MYO1H: variants seen among roughly 807,000 people sequenced by gnomAD.
MYO1H encodes the protein unconventional myosin-Ih.
Under a neutral mutation model 149.3 loss-of-function variants are expected in MYO1H, and 118 were observed. The observed-to-expected ratio is 0.79, with a 90% CI of 0.68 to 0.92. The LOEUF (loss-of-function observed/expected upper bound fraction) is 0.92. Ranked by LOEUF, MYO1H falls within the 40% of genes least tolerant of loss-of-function variation. MYO1H has a pLI of 0.00. For missense variants in MYO1H, 1,212 were observed against 1,280.7 expected (o/e 0.95, Z 0.82); for synonymous variants, 447 against 465.2 (o/e 0.96, Z 0.50).
intron 13 of MYO1H, among the ~76,000 whole-genome samples, chr12:109,411,436 A>G (rs555231941): frequency 1.3e-5 from 2 of 152,382 alleles, no homozygotes; most frequent in African/African-American, 2.4e-5. Flanking sequence ...ACTAAATGGT[A>G]TCATTCTTGA....
At chr12:109,318,974 T>TTTTTTTTTTTTTTTTTTTTTTG in the MYO1H span, among the ~76,000 whole-genome samples, 1 of 83,406 alleles carries the variant, frequency 1.2e-5, no homozygotes, top group Non-Finnish European at 2.2e-5. Context: ...TTGGTTTTGT[T>TTTTTTTTTTTTTTTTTTTTTTG]TTTTTTTTTT....
rs1872140149 is a variant in MYO1H at position 109,441,763 on chromosome 12, A to AGGGT, written c.2632+59_2632+62dup. The AGGGT allele has an allele frequency of 4.5e-6, 6 of 1,327,294 alleles. No homozygotes were observed. The East Asian group carries it at 1.4e-4, about 31-fold the overall frequency. The allele number at this position is 1,327,294 out of a possible 1,614,324, so 82.2% of individuals were successfully genotyped here. On this transcript the variant is annotated intron_variant, in intron 26 of 31. Coordinates refer to ENST00000310903, the Ensembl canonical transcript of MYO1H. ...GCTTTCCAATTCTAAAAGGAGTTAA[A>AGGGT]GGGTGGGGTGCGGTGGCTCATGCCC...
At chr12:109,415,205 G>A (rs1197874233) in intron 14 of MYO1H, among the ~76,000 whole-genome samples, 3 of 152,064 alleles carry the variant, frequency 2.0e-5, no homozygotes, top group Admixed American at 1.3e-4. Flanking sequence ...GGCCAGGCAC[G>A]GTGGCTTAGG....
chr12:109,319,689 T>C, the MYO1H span, among the ~76,000 whole-genome samples: 1 of 152,180 alleles, frequency 6.6e-6, no homozygotes, highest in Non-Finnish European at 1.5e-5. Flanking sequence ...TCAGTCTTGG[T>C]GTTAAAGACA....
chr12:109,385,377 C>G (rs1869282886), intron 1 of MYO1H, among the ~76,000 whole-genome samples: 1 of 148,178 alleles, frequency 6.7e-6, no homozygotes, highest in African/African-American at 2.5e-5. Context: ...TCATTGCAGC[C>G]TCAGCCTTCT....
At chr12:109,422,713 T>A (rs1175932633) in intron 16 of MYO1H, among the ~76,000 whole-genome samples, 1 of 152,102 alleles carries the variant, frequency 6.6e-6, no homozygotes, top group African/African-American at 2.4e-5. Context: ...TATTGGCAGA[T>A]TACTCTTCCA....
At chr12:109,312,737 G>A in the MYO1H span, among the ~76,000 whole-genome samples, 1 of 151,580 alleles carries the variant, frequency 6.6e-6, no homozygotes, top group South Asian at 2.1e-4. Flanking sequence ...TGCAGGGCAT[G>A]TCTATGAAGC....
exon 32 of MYO1H, chr12:109,448,083 T>C (rs1186892175): frequency 1.3e-5 from 2 of 152,218 alleles, no homozygotes; most frequent in South Asian, 2.1e-4. Context: ...TTAGGTAATA[T>C]GGTCTTATTT....
the MYO1H span, among the ~76,000 whole-genome samples, chr12:109,314,132 G>A: frequency 6.6e-6 from 1 of 151,894 alleles, no homozygotes; most frequent in South Asian, 2.1e-4. Flanking sequence ...TGGTCTGCTC[G>A]CCTTGACCTC....
chr12:109,423,765 G>A (rs771480308), intron 16 of MYO1H, among the ~76,000 whole-genome samples: 1 of 152,146 alleles, frequency 6.6e-6, no homozygotes, highest in Non-Finnish European at 1.5e-5. Flanking sequence ...TTCACTTAGC[G>A]TGGGTTTATT....
chr12:109,414,666 A>G (rs1325661308), intron 14 of MYO1H, among the ~76,000 whole-genome samples: 1 of 152,064 alleles, frequency 6.6e-6, no homozygotes, highest in Non-Finnish European at 1.5e-5. Context: ...GCTCAGTTCT[A>G]TACTTTTATT....
At chr12:109,443,753 T>C (rs1592824579) in intron 28 of MYO1H, 104 bp downstream of exon 28, 1 of 1,343,164 alleles carries the variant, frequency 7.4e-7, no homozygotes, top group Non-Finnish European at 1.0e-6. Context: ...AGGGTGCCCA[T>C]AAACCCCGGG....
intron 15 of MYO1H, among the ~76,000 whole-genome samples, chr12:109,417,002 C>T (rs1359875527): frequency 5.2e-5 from 7 of 135,142 alleles, no homozygotes; most frequent in Non-Finnish European, 1.1e-4. Context: ...AGTGAAACTC[C>T]ATCTCAAAAA....
At chr12:109,378,513 GT>G (rs1869133760) in intron 1 of MYO1H, among the ~76,000 whole-genome samples, 1 of 151,658 alleles carries the variant, frequency 6.6e-6, no homozygotes, top group Non-Finnish European at 1.5e-5. Context: ...TTGTAGAGAT[GT>G]GGTCTCACTG....
intron 16 of MYO1H, among the ~76,000 whole-genome samples, chr12:109,422,233 T>G (rs1411806398): frequency 6.6e-6 from 1 of 152,250 alleles, no homozygotes; most frequent in African/African-American, 2.4e-5. Context: ...GGTAACATTT[T>G]TGGAGTGAGC....
intron 27 of MYO1H, among the ~76,000 whole-genome samples, chr12:109,443,049 T>TATATGTGTACGTAC: frequency 9.7e-6 from 1 of 102,616 alleles, no homozygotes; most frequent in East Asian, 2.5e-4. Context: ...TGTGTGTGTA[T>TATATGTGTACGTAC]ATATGTGTAC....
At chr12:109,359,251 T>A (rs1868687570) in intron 1 of MYO1H, 1 of 152,100 alleles carries the variant, frequency 6.6e-6, no homozygotes, top group African/African-American at 2.4e-5. Context: ...TTCTTGACGA[T>A]ATTCTTTACC....
chr12:109,400,199 C>T (rs559251471), intron 5 of MYO1H, among the ~76,000 whole-genome samples: 5 of 152,288 alleles, frequency 3.3e-5, no homozygotes, highest in African/African-American at 1.2e-4. Flanking sequence ...GGGCTGTTTG[C>T]AATTTAGGAC....
At chr12:109,435,550 C>A (rs1473199887) in intron 21 of MYO1H, among the ~76,000 whole-genome samples, 1 of 152,196 alleles carries the variant, frequency 6.6e-6, no homozygotes, top group Non-Finnish European at 1.5e-5. Context: ...AAAATCAAAA[C>A]TGCGGGGGGA....
Sources: allele counts gnomAD v4.1 joint callset (sites outside exome capture counted in the v4.1 genomes callset), GRCh38; gene constraint gnomAD v4.1.1; transcripts MANE v1.5; gene names NCBI Gene and HGNC (gene_info 2026-07-23, HGNC 2026-07-21).